Variants in GLCE observed in about 807,000 individuals in gnomAD.
GLCE encodes the protein glucuronic acid epimerase.
A neutral mutation model predicts 47.9 loss-of-function variants in GLCE; 19 were observed. The ratio of observed to expected loss-of-function variants is 0.40; its 90% confidence interval spans 0.28 to 0.58. GLCE has a LOEUF of 0.58. Among genes scored for constraint, GLCE ranks in the 20% least tolerant of loss-of-function variants. The pLI, the probability that GLCE is intolerant of heterozygous loss-of-function variation, is 0.48. For missense variants in GLCE, 556 were observed against 743.3 expected (o/e 0.75, Z 2.93); for synonymous variants, 245 against 263.4 (o/e 0.93, Z 0.68).
chr15:69,210,915 C>T (rs2052224661), intron 2 of GLCE, among the ~76,000 whole-genome samples: 1 of 151,984 alleles, frequency 6.6e-6, no homozygotes, highest in African/African-American at 2.4e-5. Flanking sequence ...AAAATCTGGC[C>T]CTTTTAGGAA....
intron 1 of GLCE, among the ~76,000 whole-genome samples, chr15:69,188,950 A>T (rs2051873213): frequency 6.6e-6 from 1 of 152,128 alleles, no homozygotes; most frequent in Admixed American, 6.6e-5. Context: ...GAGTTCTTAT[A>T]TCCCCCCCAC....
intron 1 of GLCE, among the ~76,000 whole-genome samples, chr15:69,208,352 A>T (rs1283970377): frequency 6.6e-6 from 1 of 152,002 alleles, no homozygotes; most frequent in East Asian, 1.9e-4. Context: ...TTTTCTTTGC[A>T]TATGGATGCA....
At chr15:69,214,692 C>A (rs940415360) in intron 2 of GLCE, among the ~76,000 whole-genome samples, 3 of 151,868 alleles carry the variant, frequency 2.0e-5, no homozygotes, top group Non-Finnish European at 2.9e-5. Context: ...CATGCTGATA[C>A]CTTCAACTCC....
chr15:69,226,961 T>A (rs1184590148), intron 2 of GLCE, among the ~76,000 whole-genome samples: 1 of 151,996 alleles, frequency 6.6e-6, no homozygotes, highest in Admixed American at 6.6e-5. Flanking sequence ...GCCAGGCTGG[T>A]CTCGACCTCC....
rs576230933 is a variant in GLCE, at chr15:69,249,171, G to A, written c.-13-6623G>A. Among the ~76,000 whole-genome samples, 4 of 152,238 alleles carry A rather than the reference G, an allele frequency of 2.6e-5. No homozygotes were observed. In the East Asian group the frequency reaches 7.7e-4, roughly 29 times the overall value. ...AATGAAGTGAGAGAGCCATCCAAAT[G>A]GATATCTGGGGAAATAGAGTGCTAG... On this transcript the variant is annotated intron_variant, in intron 2 of 4. Coordinates refer to ENST00000261858, the MANE Select transcript of GLCE (RefSeq NM_015554.3).
chr15:69,162,316 TAA>T (rs57157001), intron 1 of GLCE, among the ~76,000 whole-genome samples: 2 of 146,970 alleles, frequency 1.4e-5, no homozygotes, highest in East Asian at 3.9e-4. Context: ...GTGTATTGGT[TAA>T]AAAAAAAAAC....
At chr15:69,184,008 A>C (rs1249595760) in intron 1 of GLCE, among the ~76,000 whole-genome samples, 1 of 152,260 alleles carries the variant, frequency 6.6e-6, no homozygotes, top group African/African-American at 2.4e-5. Context: ...CAAAAGGTAC[A>C]TTATTTGATG....
At position 69,260,980 on chromosome 15, in the gene GLCE, C is replaced by T. The variant is rs1271930907; in HGVS notation, c.587-107C>T. 3 of 1,065,766 alleles carry T rather than the reference C, an allele frequency of 2.8e-6. No homozygotes were observed. The East Asian group carries it at 7.2e-5, about 26-fold the overall frequency. The allele number at this position is 1,065,766 out of a possible 1,614,324, so 66.0% of individuals were successfully genotyped here. A position where few individuals can be genotyped will look rare whatever the true frequency, so the allele number is the denominator to read the frequency against. On this transcript the variant is annotated intron_variant, in intron 3 of 4. Coordinates refer to ENST00000261858, the MANE Select transcript of GLCE (RefSeq NM_015554.3). ...GTATTATAAGGAAGCCCACAACTTC[C>T]TGATAACCCTGTAAGATCCCCCAGA...
At chr15:69,200,408 T>A (rs758107805) in intron 1 of GLCE, among the ~76,000 whole-genome samples, 1 of 152,206 alleles carries the variant, frequency 6.6e-6, no homozygotes, top group Non-Finnish European at 1.5e-5. Context: ...GCAAGGCATA[T>A]GAAATTTGCA....
chr15:69,270,943 C>G lies in GLCE; in HGVS notation c.*1699C>G, dbSNP rs1251611549. ...ATGTTAGATGTCTCAGCAAGAATAT[C>G]TGGTCTCCCCTAATTTTTATTCCCA... is the stretch of plus-strand genomic sequence containing the variant. On this transcript the variant is annotated 3_prime_UTR_variant, in exon 5 of 5. Coordinates refer to ENST00000261858, the MANE Select transcript of GLCE (RefSeq NM_015554.3). The G allele has an allele frequency of 1.3e-5, 2 of 152,212 alleles. No homozygotes were observed. Among genetic ancestry groups the G allele is most frequent in the Non-Finnish European group, 2.9e-5 (2 of 68,034 alleles). The allele number at this position is 152,212 out of a possible 1,614,324, so 9.4% of individuals were successfully genotyped here.
chr15:69,161,165 T>C (rs2051413240), intron 1 of GLCE, among the ~76,000 whole-genome samples: 1 of 151,676 alleles, frequency 6.6e-6, no homozygotes, highest in Non-Finnish European at 1.5e-5. Flanking sequence ...CCCGAGCTCT[T>C]TGGGGCAGAG....
chr15:69,237,428 C>T (rs1289092073), intron 2 of GLCE, among the ~76,000 whole-genome samples: 4 of 152,090 alleles, frequency 2.6e-5, no homozygotes, highest in Non-Finnish European at 5.9e-5. Flanking sequence ...AACCCCGTCT[C>T]TACTAAAAGT....
intron 1 of GLCE, among the ~76,000 whole-genome samples, chr15:69,191,233 A>G (rs772315618): frequency 1.3e-4 from 20 of 152,192 alleles, no homozygotes; most frequent in Admixed American, 3.3e-4. Context: ...TTTATTGTGC[A>G]GTTCTACTGG....
intron 1 of GLCE, among the ~76,000 whole-genome samples, chr15:69,179,998 C>A (rs1418669923): frequency 6.6e-6 from 1 of 151,792 alleles, no homozygotes; most frequent in Non-Finnish European, 1.5e-5. Flanking sequence ...AAAACCAATA[C>A]CATAACAAGT....
chr15:69,175,769 CT>C (rs1390843455), intron 1 of GLCE, among the ~76,000 whole-genome samples: 1 of 152,190 alleles, frequency 6.6e-6, no homozygotes, highest in African/African-American at 2.4e-5. Flanking sequence ...TTCACTGAAG[CT>C]AATGACTTTC....
intron 1 of GLCE, among the ~76,000 whole-genome samples, chr15:69,176,086 G>A (rs769379527): frequency 6.6e-5 from 10 of 151,784 alleles, no homozygotes; most frequent in Non-Finnish European, 1.5e-4. Context: ...TCAAATAATT[G>A]AAATAATGAA....
chr15:69,218,902 A>G (rs2052342231), intron 2 of GLCE, among the ~76,000 whole-genome samples: 1 of 152,190 alleles, frequency 6.6e-6, no homozygotes, highest in African/African-American at 2.4e-5. Context: ...TAACTTTCTG[A>G]TAGTCCAATT....
chr15:69,223,230 C>T (rs1385751301), intron 2 of GLCE, among the ~76,000 whole-genome samples: 1 of 152,170 alleles, frequency 6.6e-6, no homozygotes, highest in African/African-American at 2.4e-5. Flanking sequence ...TCATTTCTTG[C>T]AGGGCAGGTC....
At chr15:69,225,704 A>G (rs1028764956) in intron 2 of GLCE, among the ~76,000 whole-genome samples, 2 of 152,206 alleles carry the variant, frequency 1.3e-5, no homozygotes, top group Admixed American at 6.5e-5. Context: ...GATATTTCCT[A>G]ACATTTACTG....
Sources: allele counts gnomAD v4.1 joint callset (sites outside exome capture counted in the v4.1 genomes callset), GRCh38; gene constraint gnomAD v4.1.1; transcripts MANE v1.5; gene names NCBI Gene and HGNC (gene_info 2026-07-23, HGNC 2026-07-21).